The following ATP8A2 variants were observed in gnomAD, a reference collection of about 807,000 sequenced individuals.
ATP8A2 encodes phospholipid-transporting ATPase IB.
A neutral mutation model predicts 165.6 loss-of-function variants in ATP8A2; 100 were observed. The observed-to-expected ratio is 0.60, with a 90% CI of 0.51 to 0.71. The LOEUF (loss-of-function observed/expected upper bound fraction) is 0.71. Ranked by LOEUF, ATP8A2 falls within the 30% of genes least tolerant of loss-of-function variation. The pLI is 0.00. For missense variants in ATP8A2, 1,227 were observed against 1,479.5 expected (o/e 0.83, Z 2.80); for synonymous variants, 543 against 548.8 (o/e 0.99, Z 0.15).
At chr13:25,910,570 T>C (rs1954073702) in intron 33 of ATP8A2, among the ~76,000 whole-genome samples, 1 of 148,548 alleles carries the variant, frequency 6.7e-6, no homozygotes, top group Non-Finnish European at 1.5e-5. Flanking sequence ...AGTCAACAGA[T>C]TGGATTTTTT....
At position 25,771,551 on chromosome 13, in the gene ATP8A2, A is replaced by G. The variant is rs1300773463; in HGVS notation, c.2568+2322A>G. Among the ~76,000 whole-genome samples, 4 of 152,258 alleles carry G rather than the reference A, an allele frequency of 2.6e-5. No individual in the cohort carries two copies. The South Asian group carries it at 6.2e-4, about 24-fold the overall frequency. Reference sequence around the variant, plus strand: ...TTTACTGGAACTGCATAGGAATAGGATGTGTTATCCAGAGCAATTGCTCTC... The same window carrying G: ...TTTACTGGAACTGCATAGGAATAGGGTGTGTTATCCAGAGCAATTGCTCTC... On this transcript the variant is annotated intron_variant, in intron 26 of 36. Coordinates refer to ENST00000381655, the MANE Select transcript of ATP8A2 (RefSeq NM_016529.6).
intron 2 of ATP8A2, among the ~76,000 whole-genome samples, chr13:25,475,224 A>G (rs770954470): frequency 2.0e-5 from 3 of 152,028 alleles, no homozygotes; most frequent in Non-Finnish European, 4.4e-5. Flanking sequence ...CTTTGTGTCC[A>G]TGAGTTCTCA....
intron 33 of ATP8A2, among the ~76,000 whole-genome samples, chr13:25,892,601 C>CCCT (rs397977170): frequency 6.6e-6 from 1 of 151,516 alleles, no homozygotes; most frequent in Non-Finnish European, 1.5e-5. Context: ...CTCTCTCTCT[C>CCCT]CCTCCTCCTC....
intron 35 of ATP8A2, among the ~76,000 whole-genome samples, chr13:25,989,430 A>G (rs1432741810): frequency 2.0e-5 from 3 of 152,334 alleles, no homozygotes; most frequent in Admixed American, 1.3e-4. Context: ...TTTATTTTTC[A>G]TACAAGGATA....
intron 1 of ATP8A2, among the ~76,000 whole-genome samples, chr13:25,403,527 A>G (rs2138028685): frequency 6.6e-6 from 1 of 152,316 alleles, no homozygotes; most frequent in Middle Eastern, 3.4e-3. Context: ...TGTGGATCCT[A>G]TCTCCAGCTT....
At chr13:25,664,714 A>G (rs1470403998) in intron 24 of ATP8A2, among the ~76,000 whole-genome samples, 1 of 152,166 alleles carries the variant, frequency 6.6e-6, no homozygotes, top group Non-Finnish European at 1.5e-5. Context: ...CCCAGAGAGA[A>G]GCAGAGGTAT....
At chr13:25,614,228 G>T (rs977073961) in intron 24 of ATP8A2, among the ~76,000 whole-genome samples, 1 of 151,806 alleles carries the variant, frequency 6.6e-6, no homozygotes, top group African/African-American at 2.4e-5. Context: ...TCATTTTTTT[G>T]TATTGTTGGA....
At chr13:25,887,528 G>A (rs757094357) in intron 33 of ATP8A2, among the ~76,000 whole-genome samples, 1 of 152,072 alleles carries the variant, frequency 6.6e-6, no homozygotes, top group African/African-American at 2.4e-5. Flanking sequence ...TAGTAGAGAC[G>A]GGTTTCACCA....
At chr13:25,961,152 T>C (rs990245347) in intron 33 of ATP8A2, among the ~76,000 whole-genome samples, 9 of 152,188 alleles carry the variant, frequency 5.9e-5, no homozygotes, top group African/African-American at 2.2e-4. Flanking sequence ...CAAGTAGCGA[T>C]GACATGGGTC....
At chr13:25,969,785 T>C (rs1955872427) in intron 35 of ATP8A2, among the ~76,000 whole-genome samples, 1 of 152,226 alleles carries the variant, frequency 6.6e-6, no homozygotes, top group African/African-American at 2.4e-5. Context: ...CTGTAAAAAA[T>C]CATCAGTCAA....
intron 25 of ATP8A2, among the ~76,000 whole-genome samples, chr13:25,717,408 C>T (rs550814415): frequency 6.6e-5 from 7 of 105,832 alleles, no homozygotes; most frequent in Non-Finnish European, 1.1e-4. Flanking sequence ...CCATATGATC[C>T]TGAAAAAACT....
intron 27 of ATP8A2, among the ~76,000 whole-genome samples, chr13:25,807,427 T>A (rs1950766806): frequency 1.3e-5 from 2 of 152,232 alleles, no homozygotes; most frequent in Non-Finnish European, 2.9e-5. Context: ...CCAGTACCAT[T>A]TACTGAAAAG....
intron 24 of ATP8A2, among the ~76,000 whole-genome samples, chr13:25,650,344 A>G (rs1040566368): frequency 6.6e-6 from 1 of 152,204 alleles, no homozygotes; most frequent in African/African-American, 2.4e-5. Flanking sequence ...CTATCCCACC[A>G]TCTTGCTGAT....
At chr13:25,989,040 G>A (rs1167370041) in intron 35 of ATP8A2, among the ~76,000 whole-genome samples, 2 of 152,234 alleles carry the variant, frequency 1.3e-5, no homozygotes, top group African/African-American at 4.8e-5. Context: ...GTCAGCCTGT[G>A]CCAAGCACCT....
intron 24 of ATP8A2, among the ~76,000 whole-genome samples, chr13:25,677,211 T>C (rs191969084): frequency 3.7e-4 from 57 of 152,306 alleles, no homozygotes; most frequent in Admixed American, 3.1e-3. Context: ...AATTAATTAA[T>C]GTTAAATAAA....
chr13:25,372,308 G>A lies in ATP8A2; in HGVS notation c.76+20G>A. 1.4e-6 allele frequency: 2 copies of A among 1,456,084 alleles called. No homozygotes were observed. Among genetic ancestry groups the A allele is most frequent in the Non-Finnish European group, 1.8e-6 (2 of 1,099,088 alleles). 90.2% of individuals were successfully genotyped at this position (1,456,084 alleles called of 1,614,324 possible). On this transcript the variant is annotated intron_variant, in intron 1 of 36. Coordinates refer to ENST00000381655, the MANE Select transcript of ATP8A2 (RefSeq NM_016529.6). This position sits in a 1 kb window ranked among gnomAD's most constrained non-coding sequence, Gnocchi z 4.8. ...CCGTGGGTGAGCTGGGAGGGGCGCG[G>A]CGAGGGAGGGTGGGCCCGGGGCGGG...
At chr13:25,526,943 GA>G in intron 2 of ATP8A2, among the ~76,000 whole-genome samples, 1 of 152,092 alleles carries the variant, frequency 6.6e-6, no homozygotes, top group East Asian at 1.9e-4. Context: ...AGAGTTGGGG[GA>G]AATTTTCCAC....
rs374441831 is a variant in ATP8A2 at position 25,454,705 on chromosome 13, C to T, written c.77-14272C>T. ...TTGGGAGGCCGAGGTGGGTGAATCACGAGGTCATGAGATCGAGACCAGCCT... is the reference window on the plus strand; with the variant it reads ...TTGGGAGGCCGAGGTGGGTGAATCATGAGGTCATGAGATCGAGACCAGCCT... On this transcript the variant is annotated intron_variant, in intron 1 of 36. Coordinates refer to ENST00000381655, the MANE Select transcript of ATP8A2 (RefSeq NM_016529.6). 3.9e-4 allele frequency among the ~76,000 whole-genome samples: 60 copies of T among 152,236 alleles called. No individual in the cohort carries two copies. The East Asian group carries it at 5.0e-3, about 13-fold the overall frequency.
At chr13:25,771,954 C>T (rs549510064) in intron 26 of ATP8A2, among the ~76,000 whole-genome samples, 4 of 152,136 alleles carry the variant, frequency 2.6e-5, no homozygotes, top group South Asian at 2.1e-4. Context: ...TTTTTTATTA[C>T]GCTTCGGAGG....
Sources: gnomAD v4.1 joint callset for allele counts (sites outside exome capture counted in the v4.1 genomes callset) on GRCh38, gnomAD v4.1.1 for gene constraint, Gnocchi (gnomAD v3.1) non-coding constraint, MANE v1.5 for transcripts, NCBI Gene and HGNC (gene_info 2026-07-23, HGNC 2026-07-21) for gene names.